The following PALLD variants were observed in gnomAD, a reference collection of about 807,000 sequenced individuals.
The protein encoded by PALLD is palladin, cytoskeletal associated protein, also known as palladin.
Under a neutral mutation model 123.5 loss-of-function variants are expected in PALLD, and 61 were observed. That is an observed-to-expected ratio of 0.49 (90% CI 0.40 to 0.61). PALLD has a LOEUF of 0.61. Among genes scored for constraint, PALLD ranks in the 20% least tolerant of loss-of-function variants. PALLD has a pLI of 0.00. For missense variants in PALLD, 1,273 were observed against 1,377.0 expected (o/e 0.92, Z 1.20); for synonymous variants, 465 against 496.4 (o/e 0.94, Z 0.84).
chr4:168,807,822 C>T (rs1740453762), intron 10 of PALLD, among the ~76,000 whole-genome samples: 1 of 152,120 alleles, frequency 6.6e-6, no homozygotes, highest in Non-Finnish European at 1.5e-5. Flanking sequence ...TCTCCTGCCT[C>T]AGCCTCCAGA....
intron 10 of PALLD, among the ~76,000 whole-genome samples, chr4:168,881,273 T>C (rs1007587168): frequency 1.3e-5 from 2 of 152,102 alleles, no homozygotes; most frequent in Non-Finnish European, 2.9e-5. Flanking sequence ...CTGTTCTTAT[T>C]TTCATCTGTA....
chr4:168,710,555 T>C (rs1784737125), intron 9 of PALLD, among the ~76,000 whole-genome samples: 1 of 152,194 alleles, frequency 6.6e-6, no homozygotes, highest in African/African-American at 2.4e-5. Flanking sequence ...CCAAAACTTA[T>C]TTAGGGACCT....
intron 14 of PALLD, among the ~76,000 whole-genome samples, chr4:168,899,593 A>T (rs1756009751): frequency 6.6e-6 from 1 of 152,122 alleles, no homozygotes; most frequent in Non-Finnish European, 1.5e-5. Flanking sequence ...GCATAAAGGG[A>T]TTCCTGAGAC....
chr4:168,913,803 C>T (rs897114505), intron 15 of PALLD, 124 bp from the exon 16 acceptor site: 2 of 748,456 alleles, frequency 2.7e-6, no homozygotes, highest in Admixed American at 1.9e-5. Context: ...TTAGTCATTA[C>T]TCAAATGGCA....
At chr4:168,664,852 G>A (rs1779479876) in intron 2 of PALLD, among the ~76,000 whole-genome samples, 1 of 151,842 alleles carries the variant, frequency 6.6e-6, no homozygotes, top group African/African-American at 2.4e-5. Context: ...TTTCTGGCCA[G>A]TATTTAGATC....
intron 10 of PALLD, among the ~76,000 whole-genome samples, chr4:168,744,578 C>T (rs185319579): frequency 2.0e-5 from 3 of 152,264 alleles, no homozygotes; most frequent in South Asian, 4.2e-4. Flanking sequence ...TGGTCCAACC[C>T]CTCTGTTATT....
At chr4:168,850,272 C>T (rs938588970) in intron 10 of PALLD, among the ~76,000 whole-genome samples, 6 of 151,992 alleles carry the variant, frequency 3.9e-5, no homozygotes, top group Non-Finnish European at 7.4e-5. Context: ...GGAATGAATG[C>T]TCCCCCTTCA....
At chr4:168,678,821 T>TG (rs373335528) in intron 3 of PALLD, among the ~76,000 whole-genome samples, 31 of 146,514 alleles carry the variant, frequency 2.1e-4, no homozygotes, top group African/African-American at 5.8e-4. Flanking sequence ...GTATGGTGTG[T>TG]GGGGGGGTAT....
chr4:168,682,123 G>A (rs1014193859), intron 4 of PALLD, among the ~76,000 whole-genome samples: 3 of 152,090 alleles, frequency 2.0e-5, no homozygotes, highest in East Asian at 1.9e-4. Flanking sequence ...TCTTGTACCC[G>A]AAATTCACAA....
At chr4:168,884,994 G>C (rs1560854539) in intron 10 of PALLD, among the ~76,000 whole-genome samples, 1 of 152,164 alleles carries the variant, frequency 6.6e-6, no homozygotes, top group Non-Finnish European at 1.5e-5. Context: ...ATGGTCATTA[G>C]GTCACTAGCC....
chr4:168,605,289 G>A (rs1773058170), intron 2 of PALLD, among the ~76,000 whole-genome samples: 1 of 151,710 alleles, frequency 6.6e-6, no homozygotes, highest in Admixed American at 6.6e-5. Flanking sequence ...CCCCACCCTG[G>A]ACCAACTAGA....
In PALLD at chr4:168,708,977, G is replaced by C. The variant is rs760768489; in HGVS notation, c.1502-51G>C. 2.5e-6 allele frequency: 4 copies of C among 1,591,592 alleles called. No individual in the cohort carries two copies. The African/African-American group carries it at 5.4e-5, about 21-fold the overall frequency. On this transcript the variant is annotated intron_variant, in intron 8 of 21. Transcript: ENST00000505667. ...AGGTGGAGGGTCTCACTTCTTAAAA[G>C]TGACTTCATGGTTCAACTCTGATGA...
intron 10 of PALLD, among the ~76,000 whole-genome samples, chr4:168,890,055 A>G (rs1473219445): frequency 2.0e-5 from 3 of 152,094 alleles, no homozygotes; most frequent in Non-Finnish European, 4.4e-5. Flanking sequence ...TTAGTATTCT[A>G]TTTCTCATTA....
At chr4:168,836,576 C>T (rs1057086992) in intron 10 of PALLD, among the ~76,000 whole-genome samples, 9 of 152,284 alleles carry the variant, frequency 5.9e-5, no homozygotes, top group African/African-American at 2.2e-4. Context: ...TGCTTCAGTT[C>T]TCACAAAATT....
chr4:168,696,455 T>A (rs1783136633), intron 8 of PALLD, among the ~76,000 whole-genome samples: 1 of 151,986 alleles, frequency 6.6e-6, no homozygotes, highest in African/African-American at 2.4e-5. Flanking sequence ...TCCTCTCTTA[T>A]ACTCAGAGCT....
At chr4:168,670,474 C>T (rs113871983) in intron 3 of PALLD, among the ~76,000 whole-genome samples, 4 of 152,060 alleles carry the variant, frequency 2.6e-5, no homozygotes, top group African/African-American at 9.7e-5. Context: ...TGGCTCACGC[C>T]TGTAATCCCA....
chr4:168,896,100 C>T (rs1039088836), intron 12 of PALLD, among the ~76,000 whole-genome samples: 2 of 151,774 alleles, frequency 1.3e-5, no homozygotes, highest in Non-Finnish European at 2.9e-5. Context: ...GTCCCAGCTA[C>T]GCGGGAGGCT....
chr4:168,504,150 C>A (rs1220223162), intron 1 of PALLD, among the ~76,000 whole-genome samples: 1 of 152,176 alleles, frequency 6.6e-6, no homozygotes, highest in Admixed American at 6.5e-5. Context: ...CACAACTAAG[C>A]AGTTGTTCCG....
intron 10 of PALLD, among the ~76,000 whole-genome samples, chr4:168,855,856 T>C (rs1223520615): frequency 6.6e-6 from 1 of 152,214 alleles, no homozygotes; most frequent in Non-Finnish European, 1.5e-5. Context: ...ATGACCCCCA[T>C]TTTATTTATT....
Sources: gnomAD v4.1 joint callset for allele counts (sites outside exome capture counted in the v4.1 genomes callset) on GRCh38, gnomAD v4.1.1 for gene constraint, MANE v1.5 for transcripts, NCBI Gene and HGNC (gene_info 2026-07-23, HGNC 2026-07-21) for gene names.